The following THSD7B variants were observed in gnomAD, a reference collection of about 807,000 sequenced individuals.
THSD7B encodes thrombospondin type-1 domain-containing protein 7B.
A neutral mutation model predicts 213.6 loss-of-function variants in THSD7B; 138 were observed. The ratio of observed to expected loss-of-function variants is 0.65; its 90% CI spans 0.56 to 0.74. The LOEUF (loss-of-function observed/expected upper bound fraction) is 0.74. Among genes scored for constraint, THSD7B ranks in the 30% least tolerant of loss-of-function variants. The pLI, the probability that THSD7B is intolerant of heterozygous loss-of-function variation, is 0.00. For missense variants in THSD7B, 1,931 were observed against 1,991.5 expected (o/e 0.97, Z 0.58); for synonymous variants, 742 against 687.0 (o/e 1.08, Z -1.25).
At chr2:137,052,324 G>T (rs549088460) in intron 2 of THSD7B, among the ~76,000 whole-genome samples, 1 of 152,252 alleles carries the variant, frequency 6.6e-6, no homozygotes, top group Admixed American at 6.5e-5. Context: ...CATCATTGAA[G>T]TACTTTCTGA....
chr2:137,397,732 T>C (rs1168382683), intron 12 of THSD7B, among the ~76,000 whole-genome samples: 5 of 152,166 alleles, frequency 3.3e-5, no homozygotes, highest in Middle Eastern at 3.4e-3. Context: ...ATTGGGGATA[T>C]TATCTCCTGG....
chr2:137,033,235 C>T (rs1686708393), intron 2 of THSD7B, among the ~76,000 whole-genome samples: 1 of 152,222 alleles, frequency 6.6e-6, no homozygotes, highest in Admixed American at 6.5e-5. Context: ...CTTGCTCTGA[C>T]ATTTCTAGTC....
chr2:137,080,745 T>A (rs1210080163), intron 3 of THSD7B, among the ~76,000 whole-genome samples: 1 of 152,120 alleles, frequency 6.6e-6, no homozygotes, highest in African/African-American at 2.4e-5. Context: ...ATAAATAGAA[T>A]CTATTCTACT....
intron 15 of THSD7B, among the ~76,000 whole-genome samples, chr2:137,480,117 A>T (rs1248703303): frequency 6.6e-6 from 1 of 151,952 alleles, no homozygotes; most frequent in Non-Finnish European, 1.5e-5. Flanking sequence ...GTTTTCTGTC[A>T]TTTCTCTCTT....
At chr2:137,086,987 A>G (rs1466734482) in intron 3 of THSD7B, among the ~76,000 whole-genome samples, 1 of 152,238 alleles carries the variant, frequency 6.6e-6, no homozygotes. Context: ...GAAATTGAGC[A>G]CAACCAAAGG....
At chr2:137,621,971 G>A (rs979803516) in intron 20 of THSD7B, among the ~76,000 whole-genome samples, 1 of 152,068 alleles carries the variant, frequency 6.6e-6, no homozygotes, top group Non-Finnish European at 1.5e-5. Flanking sequence ...AGAAACTGAG[G>A]AAGCAAGAGA....
intron 17 of THSD7B, among the ~76,000 whole-genome samples, chr2:137,591,939 A>G (rs976045010): frequency 2.7e-5 from 4 of 150,632 alleles, no homozygotes; most frequent in African/African-American, 9.7e-5. Context: ...TTATTTTTCT[A>G]TGCTTCTTTC....
At chr2:136,767,209 T>C (rs1028973073) in intron 1 of THSD7B, among the ~76,000 whole-genome samples, 1 of 152,104 alleles carries the variant, frequency 6.6e-6, no homozygotes, top group Non-Finnish European at 1.5e-5. Flanking sequence ...CCACTTAGGG[T>C]GTTACTAACC....
At chr2:137,578,343 A>T (rs947656818) in intron 17 of THSD7B, among the ~76,000 whole-genome samples, 5 of 152,212 alleles carry the variant, frequency 3.3e-5, no homozygotes, top group Admixed American at 2.0e-4. Flanking sequence ...ACATTCATGG[A>T]GTGAAACTCC....
intron 15 of THSD7B, among the ~76,000 whole-genome samples, chr2:137,558,278 C>T (rs1364072879): frequency 2.0e-5 from 3 of 152,140 alleles, no homozygotes; most frequent in African/African-American, 7.2e-5. Context: ...AATTTTAGAC[C>T]AATATCCCTG....
intron 1 of THSD7B, among the ~76,000 whole-genome samples, chr2:136,859,869 C>T (rs1198659584): frequency 6.6e-6 from 1 of 152,096 alleles, no homozygotes; most frequent in Non-Finnish European, 1.5e-5. Flanking sequence ...GGAATGAGCG[C>T]AGGACTGACC....
rs551179026 is a variant in THSD7B at position 137,071,464 on chromosome 2, G to T, written c.950+14234G>T. Among the ~76,000 whole-genome samples the T allele has an allele frequency of 9.1e-4, 139 of 152,246 alleles. 1 individual carries two copies. The highest frequency in any genetic ancestry group is 3.2e-3 in the African/African-American group (131 of 41,552). ...TGTAGATTCTGGATATTAGCCCTTT[G>T]TCAGATGAGTAGATTGCAAAAATTT... On this transcript the variant is annotated intron_variant, in intron 3 of 27. Transcript: ENST00000409968.
chr2:136,927,753 C>A (rs941040574), intron 2 of THSD7B, among the ~76,000 whole-genome samples: 2 of 152,184 alleles, frequency 1.3e-5, no homozygotes, highest in African/African-American at 4.8e-5. Context: ...ATTGATAGGG[C>A]ACAGCTAGTG....
chr2:137,041,722 TTAATA>T (rs1438914841), intron 2 of THSD7B, among the ~76,000 whole-genome samples: 1 of 151,676 alleles, frequency 6.6e-6, no homozygotes, highest in African/African-American at 2.4e-5. Flanking sequence ...TATTGTTATA[TTAATA>T]TAATACTGGA....
chr2:137,507,309 T>A (rs1679858747), intron 15 of THSD7B, among the ~76,000 whole-genome samples: 1 of 152,230 alleles, frequency 6.6e-6, no homozygotes, highest in Non-Finnish European at 1.5e-5. Context: ...CAAACTCCAG[T>A]CATGTATTAT....
At chr2:137,253,229 G>A (rs371221785) in intron 10 of THSD7B, among the ~76,000 whole-genome samples, 1 of 152,194 alleles carries the variant, frequency 6.6e-6, no homozygotes, top group East Asian at 1.9e-4. Flanking sequence ...GATAAACAGT[G>A]CTGTTTGGTT....
intron 2 of THSD7B, among the ~76,000 whole-genome samples, chr2:136,965,720 T>G (rs527183): frequency 0.41 from 62,437 of 152,058 alleles, 15,231 homozygotes; most frequent in Non-Finnish European, 0.55. Context: ...TGGTTATCCT[T>G]TATTTTCTGA....
chr2:137,537,605 T>G (rs10496775), intron 15 of THSD7B, among the ~76,000 whole-genome samples: 25,256 of 151,560 alleles, frequency 0.17, 2,235 homozygotes, highest in South Asian at 0.28. Context: ...ATATTTAATT[T>G]ACCTTCTCAA....
At chr2:137,139,750 A>G (rs1679544921) in intron 5 of THSD7B, among the ~76,000 whole-genome samples, 1 of 152,104 alleles carries the variant, frequency 6.6e-6, no homozygotes, top group Admixed American at 6.6e-5. Context: ...TGCTCCAGGA[A>G]TCCCTTCATA....
Sources: allele counts gnomAD v4.1 joint callset (sites outside exome capture counted in the v4.1 genomes callset), GRCh38; gene constraint gnomAD v4.1.1; transcripts MANE v1.5; gene names NCBI Gene and HGNC (gene_info 2026-07-23, HGNC 2026-07-21).